Variants in CACNB2 observed in about 807,000 individuals in gnomAD.
CACNB2 encodes calcium voltage-gated channel auxiliary subunit beta 2.
A neutral mutation model predicts 73.3 loss-of-function variants in CACNB2; 42 were observed. That is an observed-to-expected ratio of 0.57 (90% CI 0.45 to 0.74). The LOEUF (loss-of-function observed/expected upper bound fraction) is 0.74, where lower values mean the gene tolerates loss of function less well. Ranked by LOEUF, CACNB2 falls within the 30% of genes least tolerant of loss-of-function variation. The pLI, the probability that CACNB2 is intolerant of heterozygous loss-of-function variation, is 0.00. For missense variants in CACNB2, 940 were observed against 853.0 expected, an observed-to-expected ratio of 1.10 and a Z score of -1.27; for synonymous variants, 348 against 310.3, an observed-to-expected ratio of 1.12 and a Z score of -1.28.
At chr10:18,397,717 T>C (rs886917322) in intron 2 of CACNB2, among the ~76,000 whole-genome samples, 2 of 41,484 alleles carry the variant, frequency 4.8e-5, no homozygotes, top group African/African-American at 1.4e-4. Context: ...CGAGACTCCG[T>C]CTCAAAAAAA....
At chr10:18,498,511 ATGTTTCACCTTGACATACCATTTC>A (rs1564620564) in intron 4 of CACNB2, 34 bp downstream of exon 4, 2 of 1,609,286 alleles carry the variant, frequency 1.2e-6, no homozygotes, top group Non-Finnish European at 1.7e-6. Flanking sequence ...TAACAGCATG[ATGTTTCACCTTGACATACCATTTC>A]TTATTTCCTA....
At position 18,455,039 on chromosome 10, in the gene CACNB2, T is replaced by TAAAA. The variant is rs56167015; in HGVS notation, c.334-43303_334-43300dup. ...GGTGACAGAGTGAGACCCAATCTCTTAAAAAAAAAAAAAAAAGTGGTATTC... is the reference window on the plus strand; with the variant it reads ...GGTGACAGAGTGAGACCCAATCTCTTAAAAAAAAAAAAAAAAAAAAGTGGTATTC... On this transcript the variant is annotated intron_variant, in intron 3 of 13. Transcript: ENST00000324631. Among the ~76,000 whole-genome samples the TAAAA allele has an allele frequency of 1.9e-3, 264 of 137,824 alleles. 7 individuals carry two copies. In the South Asian group the frequency reaches 0.022, roughly 12 times the overall value. 90.4% of individuals were successfully genotyped at this position (137,824 alleles called of 152,430 possible). A position where few individuals can be genotyped will look rare whatever the true frequency, so the allele number is the denominator to read the frequency against.
chr10:18,169,661 A>G (rs1169575985), intron 2 of CACNB2, among the ~76,000 whole-genome samples: 1 of 152,110 alleles, frequency 6.6e-6, no homozygotes, highest in Admixed American at 6.6e-5. Context: ...GGAGATTAAC[A>G]CTTTATTGGG....
At chr10:18,510,183 C>T (rs2050690560) in intron 6 of CACNB2, among the ~76,000 whole-genome samples, 1 of 152,186 alleles carries the variant, frequency 6.6e-6, no homozygotes, top group Non-Finnish European at 1.5e-5. Context: ...AGAAAGTTCT[C>T]AATTTGGGAT....
At chr10:18,468,692 C>T (rs931066148) in intron 3 of CACNB2, among the ~76,000 whole-genome samples, 3 of 151,992 alleles carry the variant, frequency 2.0e-5, no homozygotes, top group East Asian at 1.9e-4. Context: ...CTCTGCCTCC[C>T]GAGTTCAAGC....
In CACNB2 at chr10:18,174,550, C is replaced by T. The variant is rs1032799927; in HGVS notation, c.213+23575C>T. On this transcript the variant is annotated intron_variant, in intron 2 of 13. Coordinates refer to ENST00000324631, the MANE Select transcript of CACNB2 (RefSeq NM_201596.3). ...TCCTGAGTAGCTGGGATTACAGGTG[C>T]CTGCCCCCATGCCCAGCTAATTTTT... Among the ~76,000 whole-genome samples the T allele has an allele frequency of 2.6e-5, 4 of 151,836 alleles. No homozygotes were observed. The East Asian group carries it at 7.8e-4, about 29-fold the overall frequency.
intron 3 of CACNB2, among the ~76,000 whole-genome samples, chr10:18,474,542 G>C (rs1399902275): frequency 6.6e-6 from 1 of 152,120 alleles, no homozygotes; most frequent in East Asian, 1.9e-4. Flanking sequence ...TGTTTTCCTA[G>C]GGGTTGTGTT....
chr10:18,154,314 G>T (rs905100780), intron 2 of CACNB2, among the ~76,000 whole-genome samples: 61 of 151,730 alleles, frequency 4.0e-4, no homozygotes, highest in Middle Eastern at 3.4e-3. Flanking sequence ...AAACAACTTG[G>T]AGAATATCAG....
At chr10:18,381,637 G>A (rs1046671861) in intron 2 of CACNB2, among the ~76,000 whole-genome samples, 7 of 147,782 alleles carry the variant, frequency 4.7e-5, no homozygotes, top group Admixed American at 2.7e-4. Context: ...GCAGTGAGCC[G>A]AGATCAGGCC....
chr10:18,261,316 A>G (rs374903228), intron 2 of CACNB2: 11 of 1,551,426 alleles, frequency 7.1e-6, no homozygotes, highest in Admixed American at 2.0e-5. Flanking sequence ...CGGGTGTCCT[A>G]TGTAAGTTTC....
At chr10:18,258,542 G>T (rs540654870) in intron 2 of CACNB2, among the ~76,000 whole-genome samples, 3 of 151,816 alleles carry the variant, frequency 2.0e-5, no homozygotes. Context: ...ACTTCCTACC[G>T]TGGTGAAACC....
Position 18,458,817 on chromosome 10 carries a change from G to A in CACNB2, c.334-39538G>A, listed in dbSNP as rs1259183384. On this transcript the variant is annotated intron_variant, in intron 3 of 13. Transcript: ENST00000324631. ...GTCTCACTCTGTTGCCTAGGCTGGA[G>A]GGCAATGGCGTGATCTTGGCTCACT... 9.5e-5 allele frequency among the ~76,000 whole-genome samples: 14 copies of A among 147,068 alleles called. 1 individual carries two copies. Among genetic ancestry groups the A allele is most frequent in the Non-Finnish European group, 1.8e-4 (12 of 67,108 alleles).
At chr10:18,278,517 G>A (rs1350336546) in intron 2 of CACNB2, among the ~76,000 whole-genome samples, 2 of 151,858 alleles carry the variant, frequency 1.3e-5, no homozygotes, top group East Asian at 3.9e-4. Context: ...GCAGTGACAG[G>A]GGCTATTGAG....
chr10:18,529,789 T>C (rs1016879354), intron 10 of CACNB2, among the ~76,000 whole-genome samples: 1 of 152,238 alleles, frequency 6.6e-6, no homozygotes, highest in Non-Finnish European at 1.5e-5. Flanking sequence ...GTTTCGCTTA[T>C]AGCAATTTCT....
chr10:18,497,100 T>C (rs1323741043), intron 3 of CACNB2, among the ~76,000 whole-genome samples: 3 of 148,048 alleles, frequency 2.0e-5, no homozygotes, highest in Non-Finnish European at 4.5e-5. Flanking sequence ...TAATCCAAGC[T>C]ACTCGGGAGG....
intron 2 of CACNB2, among the ~76,000 whole-genome samples, chr10:18,321,361 T>G (rs2040390538): frequency 6.6e-6 from 1 of 152,146 alleles, no homozygotes; most frequent in South Asian, 2.1e-4. Flanking sequence ...AATACCACAG[T>G]ACTTAGAAAA....
intron 10 of CACNB2, among the ~76,000 whole-genome samples, chr10:18,532,503 T>C (rs1413230475): frequency 1.3e-5 from 2 of 151,728 alleles, no homozygotes; most frequent in Non-Finnish European, 2.9e-5. Flanking sequence ...TGAAACGCCA[T>C]CTCTACTAAA....
chr10:18,270,700 G>T (rs923078957), intron 2 of CACNB2, among the ~76,000 whole-genome samples: 1 of 151,914 alleles, frequency 6.6e-6, no homozygotes, highest in Admixed American at 6.6e-5. Flanking sequence ...CTCCACAGAG[G>T]CTGTTCCCTG....
chr10:18,270,994 G>C (rs974578809), intron 2 of CACNB2, among the ~76,000 whole-genome samples: 1 of 152,130 alleles, frequency 6.6e-6, no homozygotes, highest in Non-Finnish European at 1.5e-5. Context: ...TTTGGGGGAT[G>C]GGGGTAATGC....
Sources: allele counts gnomAD v4.1 joint callset (sites outside exome capture counted in the v4.1 genomes callset), GRCh38; gene constraint gnomAD v4.1.1; transcripts MANE v1.5; gene names NCBI Gene and HGNC (gene_info 2026-07-23, HGNC 2026-07-21).